The following PUS7L variants were observed in gnomAD, a reference collection of about 807,000 sequenced individuals.
PUS7L encodes the protein pseudouridylate synthase PUS7L.
A neutral mutation model predicts 51.1 loss-of-function variants in PUS7L; 49 were observed. The ratio of observed to expected loss-of-function variants is 0.96; its 90% CI spans 0.76 to 1.22. The LOEUF is 1.22. Among genes scored for constraint, PUS7L ranks in the 50% most tolerant of loss-of-function variants. PUS7L has a pLI of 0.00. For missense variants in PUS7L, 828 were observed against 820.6 expected, an observed-to-expected ratio of 1.01 and a Z score of -0.11; for synonymous variants, 277 against 276.2, an observed-to-expected ratio of 1.00 and a Z score of -0.03.
At chr12:43,758,688 C>T (rs1184224926) in intron 1 of PUS7L, 42 bp downstream of exon 1, 28 of 789,792 alleles carry the variant, frequency 3.5e-5, no homozygotes, top group African/African-American at 7.7e-5. Context: ...CACACACACA[C>T]ATACAAGCCC....
chr12:43,731,124 C>T (rs974741883), intron 8 of PUS7L, among the ~76,000 whole-genome samples: 1 of 152,134 alleles, frequency 6.6e-6, no homozygotes, highest in African/African-American at 2.4e-5. Context: ...AACAAGAAAA[C>T]AAACACATAG....
In PUS7L at chr12:43,748,429, AAT is replaced by A. The variant is rs1007771415; in HGVS notation, c.1070+19_1070+20del. 8 of 1,547,918 alleles carry A rather than the reference AAT, an allele frequency of 5.2e-6. No individual in the cohort carries two copies. In the African/African-American group the frequency reaches 1.1e-4, roughly 22 times the overall value. The stretch of plus-strand genomic sequence containing the variant: ...CCACTTCTCAAAGTTTCTATCCTAA[AAT>A]TTCTTAATATCTTATTACCTCTCTG... On this transcript the variant is annotated intron_variant, in intron 3 of 8. Coordinates refer to ENST00000344862, the MANE Select transcript of PUS7L (RefSeq NM_031292.5).
At chr12:43,734,690 CTAGGAGT>C (rs1427189624) in intron 7 of PUS7L, among the ~76,000 whole-genome samples, 1 of 152,108 alleles carries the variant, frequency 6.6e-6, no homozygotes, top group Admixed American at 6.5e-5. Context: ...CCCAACAGGG[CTAGGAGT>C]TAGGCAGCCG....
intron 1 of PUS7L, among the ~76,000 whole-genome samples, chr12:43,756,266 GT>G (rs1938694931): frequency 6.6e-6 from 1 of 152,064 alleles, no homozygotes; most frequent in Admixed American, 6.6e-5. Context: ...TTCCTGTACA[GT>G]TCCCTCACTT....
intron 7 of PUS7L, among the ~76,000 whole-genome samples, chr12:43,735,140 C>A (rs1271853379): frequency 6.6e-6 from 1 of 151,618 alleles, no homozygotes; most frequent in South Asian, 2.1e-4. Flanking sequence ...ATGGTGAAAC[C>A]CAGTCTCTAC....
intron 6 of PUS7L, among the ~76,000 whole-genome samples, chr12:43,737,572 T>C (rs968871257): frequency 2.0e-5 from 3 of 150,464 alleles, no homozygotes; most frequent in Non-Finnish European, 3.0e-5. Context: ...TAAATAAAGG[T>C]AATATTTATA....
At chr12:43,738,763 GT>G (rs1317053682) in intron 5 of PUS7L, 1 of 241,396 alleles carries the variant, frequency 4.1e-6, no homozygotes. Flanking sequence ...TTTTTAAACT[GT>G]TTCCAAAAGC....
chr12:43,726,238 CCA>C lies in PUS7L; in HGVS notation c.*4136_*4137del, dbSNP rs1315122234. 6.6e-6 allele frequency: 1 copy of C among 152,096 alleles called. No individual in the cohort carries two copies. The highest frequency in any genetic ancestry group is 1.9e-4 in the East Asian group (1 of 5,190). 9.4% of individuals were successfully genotyped at this position (152,096 alleles called of 1,614,324 possible). A position where few individuals can be genotyped will look rare whatever the true frequency, so the allele number is the denominator to read the frequency against. ...AGGTTAGAGAACCCAGAAATAAAGGCCACACACCTACAGCTACTTGATTTTTG... is the reference window on the plus strand; with the variant it reads ...AGGTTAGAGAACCCAGAAATAAAGGCCACACCTACAGCTACTTGATTTTTG... On this transcript the variant is annotated 3_prime_UTR_variant, in exon 9 of 9. Transcript: ENST00000344862.
intron 4 of PUS7L, among the ~76,000 whole-genome samples, chr12:43,743,769 A>C (rs1358395876): frequency 6.6e-6 from 1 of 152,232 alleles, no homozygotes; most frequent in African/African-American, 2.4e-5. Flanking sequence ...TCTCAAAAAA[A>C]AAAAAATTAA....
At position 43,754,684 on chromosome 12, in the gene PUS7L, T is replaced by C. The variant is rs768031139; in HGVS notation, c.562A>G (p.Thr188Ala). 6.8e-6 allele frequency: 11 copies of C among 1,613,814 alleles called. No individual in the cohort carries two copies. The African/African-American group carries it at 1.2e-4, about 18-fold the overall frequency. The change falls in exon 2 of 9, where the codon ACT becomes GCT. Residue 188 changes from threonine (T) to alanine (A), a missense_variant. Coordinates refer to ENST00000344862, the MANE Select transcript of PUS7L (RefSeq NM_031292.5). ...AIRQKFPFLV[T>A]VGKNSEIVVK... Reference sequence around the variant, plus strand: ...ACAATTTCACTGTTTTTTCCTACAGTTACTAAAAATGGAAATTTCTGCCTA... The same window carrying C: ...ACAATTTCACTGTTTTTTCCTACAGCTACTAAAAATGGAAATTTCTGCCTA...
chr12:43,745,411 A>G (rs1242159247), intron 4 of PUS7L, among the ~76,000 whole-genome samples: 2 of 152,206 alleles, frequency 1.3e-5, no homozygotes, highest in African/African-American at 2.4e-5. Context: ...TGTTACTCCC[A>G]TGCTATTCTC....
Position 43,729,627 on chromosome 12 carries a change from A to T in PUS7L, c.*749T>A, listed in dbSNP as rs1944504227. 2.5e-5 allele frequency: 4 copies of T among 157,870 alleles called. No individual in the cohort carries two copies. Among genetic ancestry groups the T allele is most frequent in the African/African-American group, 9.6e-5 (4 of 41,772 alleles). The allele number at this position is 157,870 out of a possible 1,614,324, so 9.8% of individuals were successfully genotyped here. On this transcript the variant is annotated 3_prime_UTR_variant, in exon 9 of 9. Coordinates refer to ENST00000344862, the MANE Select transcript of PUS7L (RefSeq NM_031292.5). The stretch of plus-strand genomic sequence containing the variant: ...AAGTTGTAATTGTCTTGATTCTATC[A>T]GTAACCACACACAAAAAAATCAACA...
intron 8 of PUS7L, among the ~76,000 whole-genome samples, 164 bp from the exon 9 acceptor site, chr12:43,730,866 T>C (rs1253183082): frequency 6.6e-6 from 1 of 152,200 alleles, no homozygotes; most frequent in East Asian, 1.9e-4. Context: ...TGCTATGATA[T>C]TTTTATGCTG....
At chr12:43,736,329 A>G in intron 7 of PUS7L, 52 bp downstream of exon 7, 1 of 1,482,402 alleles carries the variant, frequency 6.7e-7, no homozygotes, top group Non-Finnish European at 9.2e-7. Context: ...TGAAAAATTC[A>G]TGTTCTGGTA....
chr12:43,754,474 C>T lies in PUS7L; in HGVS notation c.772G>A (p.Glu258Lys), dbSNP rs200798510. ...FVNKKFGNLV[E>K]TKSFSKMNCS... Reference sequence around the variant, plus strand: ...TTCATTTTAGAAAAAGATTTGGTTTCCACAAGGTTTCCAAACTTTTTGTTG... The same window carrying T: ...TTCATTTTAGAAAAAGATTTGGTTTTCACAAGGTTTCCAAACTTTTTGTTG... The change falls in exon 2 of 9, where the codon GAA (glutamate) becomes AAA (lysine). Residue 258 changes from glutamate (E) to lysine (K), a missense_variant. Glu to Lys is a moderately conservative substitution (Grantham distance 56). Transcript: ENST00000344862. The T allele has an allele frequency of 6.8e-6, 11 of 1,613,884 alleles. No homozygotes were observed. Among genetic ancestry groups the T allele is most frequent in the Middle Eastern group, 3.3e-4 (2 of 6,060 alleles).
chr12:43,753,080 T>C (rs1938533916), intron 2 of PUS7L, among the ~76,000 whole-genome samples: 1 of 152,162 alleles, frequency 6.6e-6, no homozygotes, highest in Admixed American at 6.5e-5. Context: ...TAAATAAGAA[T>C]TCCTAGAGCT....
intron 2 of PUS7L, among the ~76,000 whole-genome samples, chr12:43,752,539 G>A (rs1938504932): frequency 6.6e-6 from 1 of 152,154 alleles, no homozygotes; most frequent in African/African-American, 2.4e-5. Flanking sequence ...CTACCATGGG[G>A]TATTATTCAG....
chr12:43,738,359 T>C lies in PUS7L; in HGVS notation c.1395A>G (p.Glu465=). Residue 465 remains glutamate, a synonymous_variant, in exon 6 of 9, where the codon GAA becomes GAG. Transcript: ENST00000344862. Reference sequence around the variant, plus strand: ...CTCTATTTACAGGATCATCCAAGTCTTCTGGTGTAAGAAACAATTTTATGG... The same window carrying C: ...CTCTATTTACAGGATCATCCAAGTCCTCTGGTGTAAGAAACAATTTTATGG... ...MKAIKLFLTP[E]DLDDPVNRAK... The C allele has an allele frequency of 6.3e-7, 1 of 1,596,356 alleles. No homozygotes were observed. The highest frequency in any genetic ancestry group is 8.6e-7 in the Non-Finnish European group (1 of 1,164,976).
chr12:43,740,865 C>G (rs1937865056), intron 5 of PUS7L: 1 of 144,344 alleles, frequency 6.9e-6, no homozygotes, highest in Admixed American at 6.7e-5. Context: ...TAGTTTTAAG[C>G]AAGAAAATAA....
Sources: allele counts gnomAD v4.1 joint callset (sites outside exome capture counted in the v4.1 genomes callset), GRCh38; gene constraint gnomAD v4.1.1; transcripts MANE v1.5; gene names NCBI Gene and HGNC (gene_info 2026-07-23, HGNC 2026-07-21).